VCAN: variants seen among roughly 807,000 people sequenced by gnomAD.
The protein encoded by VCAN is versican, also known as versican core protein.
A neutral mutation model predicts 245.5 loss-of-function variants in VCAN; 44 were observed. That is an observed-to-expected ratio of 0.18 (90% confidence interval 0.14 to 0.23). The LOEUF is 0.23. VCAN is among the 10% of genes least tolerant of loss of function. The pLI is 1.00. For missense variants in VCAN, 3,793 were observed against 4,057.9 expected (o/e 0.93, Z 1.77); for synonymous variants, 1,413 against 1,437.0 (o/e 0.98, Z 0.38).
intron 5 of VCAN, among the ~76,000 whole-genome samples, chr5:83,496,761 G>C (rs1455785447): frequency 2.0e-5 from 3 of 152,150 alleles, no homozygotes; most frequent in Non-Finnish European, 2.9e-5. Context: ...GTAAGAGGAA[G>C]ATCACAAAAT....
chr5:83,550,520 A>G (rs1747420125), intron 10 of VCAN, among the ~76,000 whole-genome samples: 1 of 152,230 alleles, frequency 6.6e-6, no homozygotes, highest in South Asian at 2.1e-4. Flanking sequence ...AGTATCTCCT[A>G]TCAGAATAGC....
chr5:83,565,390 GGTGTGTGTGTGTGTGTGTGTGTGT>G (rs6149088), intron 12 of VCAN, among the ~76,000 whole-genome samples: 1 of 149,132 alleles, frequency 6.7e-6, no homozygotes, highest in Non-Finnish European at 1.5e-5. Context: ...TATGTGTAAG[GGTGTGTGTGTGTGTGTGTGTGTGT>G]GTGTGTGTGT....
chr5:83,570,753 A>G (rs1328557943), intron 12 of VCAN, among the ~76,000 whole-genome samples: 2 of 152,014 alleles, frequency 1.3e-5, no homozygotes, highest in African/African-American at 4.8e-5. Context: ...GATCAGACAT[A>G]TATTTTAAAA....
chr5:83,496,701 T>A (rs1393084), intron 5 of VCAN, among the ~76,000 whole-genome samples: 5,466 of 152,270 alleles, frequency 0.036, 328 homozygotes, highest in African/African-American at 0.12. Context: ...CTTTCTTGGC[T>A]TGAAAGTGAG....
chr5:83,491,613 C>T (rs911878305), intron 3 of VCAN, among the ~76,000 whole-genome samples: 3 of 151,956 alleles, frequency 2.0e-5, no homozygotes, highest in Admixed American at 2.0e-4. Flanking sequence ...TTTAAAATCC[C>T]CAAAGGAGTT....
At chr5:83,474,767 A>G (rs33604) in intron 1 of VCAN, among the ~76,000 whole-genome samples, 43,173 of 152,192 alleles carry the variant, frequency 0.28, 6,258 homozygotes, top group South Asian at 0.4. Context: ...CCTCGCCCCC[A>G]GGATTCGGGG....
At chr5:83,535,275 G>A (rs1045057684) in intron 7 of VCAN, among the ~76,000 whole-genome samples, 6 of 152,050 alleles carry the variant, frequency 3.9e-5, no homozygotes, top group African/African-American at 1.4e-4. Flanking sequence ...GAGAAGAAAT[G>A]AACTGTAGTG....
chr5:83,570,312 G>T (rs1580077356), intron 12 of VCAN, among the ~76,000 whole-genome samples: 1 of 151,400 alleles, frequency 6.6e-6, no homozygotes, highest in South Asian at 2.1e-4. Flanking sequence ...TTGGTTTTTT[G>T]CAAGTTTATC....
intron 1 of VCAN, among the ~76,000 whole-genome samples, chr5:83,473,892 A>C (rs949301416): frequency 2.0e-5 from 3 of 152,072 alleles, no homozygotes; most frequent in Admixed American, 2.0e-4. Context: ...GAGGACCCTG[A>C]AAAAAGGTCT....
chr5:83,537,352 A>G lies in VCAN; in HGVS notation c.4349A>G (p.Asp1450Gly). 1 of 1,614,028 alleles carries G rather than the reference A, an allele frequency of 6.2e-7. No homozygotes were observed. The highest frequency in any genetic ancestry group is 8.5e-7 in the Non-Finnish European group (1 of 1,179,952). ...AATTTCTCGGACAGCTCTGAAAGTG[A>G]TACTCATCCATTTGTAATAGCCAAA... ...SQNFSDSSES[D>G]THPFVIAKTE... The change falls in exon 8 of 15, where the codon GAT (aspartate) becomes GGT (glycine). Residue 1450 changes from aspartate (D) to glycine (G), a missense_variant. By Grantham distance (94) the Asp-to-Gly change is moderately conservative. Transcript: ENST00000265077.
intron 10 of VCAN, among the ~76,000 whole-genome samples, chr5:83,549,495 A>G (rs1483917662): frequency 6.6e-6 from 1 of 152,198 alleles, no homozygotes; most frequent in Admixed American, 6.5e-5. Flanking sequence ...AAGTGAACCT[A>G]AATGGCTTAA....
intron 12 of VCAN, among the ~76,000 whole-genome samples, chr5:83,558,078 C>T (rs1747737942): frequency 6.6e-6 from 1 of 152,114 alleles, no homozygotes; most frequent in Non-Finnish European, 1.5e-5. Context: ...CCCTCGCATT[C>T]AACTGATCTC....
In VCAN at chr5:83,540,604, C is replaced by T. The variant is rs766210217; in HGVS notation, c.7601C>T (p.Pro2534Leu). Reference protein sequence around the residue: ...FREFEDSTLKPNRKKPTENII... With the variant: ...FREFEDSTLKLNRKKPTENII... Reference sequence around the variant, plus strand: ...GAATTCGAGGATTCCACCTTAAAACCTAACAGAAAAAAACCCACTGAAAAT... The same window carrying T: ...GAATTCGAGGATTCCACCTTAAAACTTAACAGAAAAAAACCCACTGAAAAT... Residue 2534 changes from proline (P) to leucine (L), a missense_variant, in exon 8 of 15, where the codon CCT becomes CTT. Pro to Leu is a moderately conservative substitution (Grantham distance 98). Transcript: ENST00000265077. 6.2e-7 allele frequency: 1 copy of T among 1,613,650 alleles called. No homozygotes were observed. Among genetic ancestry groups the T allele is most frequent in the Non-Finnish European group, 8.5e-7 (1 of 1,179,932 alleles).
Position 83,521,941 on chromosome 5 carries a change from G to A in VCAN, c.3635G>A (p.Ser1212Asn). 3 of 1,614,156 alleles carry A rather than the reference G, an allele frequency of 1.9e-6. No individual in the cohort carries two copies. Among genetic ancestry groups the A allele is most frequent in the Non-Finnish European group, 2.5e-6 (3 of 1,180,024 alleles). The change falls in exon 7 of 15, where the codon AGT (serine) becomes AAT (asparagine). Residue 1212 changes from serine (S) to asparagine (N), a missense_variant. By Grantham distance (46) the Ser-to-Asn change is conservative. Around this residue, in one of 5 missense-constraint regions of VCAN, gnomAD observed 3,182 missense variants for 3,250.3 expected, o/e 0.98. Transcript: ENST00000265077. Reference protein sequence around the residue: ...TVPSDITTAFSSVDRLHTTSA... With the variant: ...TVPSDITTAFNSVDRLHTTSA... ...CCAAGTGATATTACCACTGCCTTCA[G>A]TTCAGTAGACAGACTTCACACAACT...
At position 83,541,977 on chromosome 5, in the gene VCAN, C is replaced by T. The variant is rs1315754486; in HGVS notation, c.8974C>T (p.Pro2992Ser). The change falls in exon 8 of 15, where the codon CCT becomes TCT. Residue 2992 changes from proline (P) to serine (S), a missense_variant. Coordinates refer to ENST00000265077, the MANE Select transcript of VCAN (RefSeq NM_004385.5). The part of the protein sequence containing the change: ...ATYGVEAGVV[P>S]WLSPQTSERP... ...CTATGGGGTCGAGGCAGGTGTGGTG[C>T]CTTGGCTAAGTCCACAGACTTCTGA... 1.3e-5 allele frequency: 21 copies of T among 1,613,736 alleles called. No individual in the cohort carries two copies. Among genetic ancestry groups the T allele is most frequent in the Non-Finnish European group, 1.7e-5 (20 of 1,179,758 alleles).
At chr5:83,569,594 G>T (rs1247150577) in intron 12 of VCAN, among the ~76,000 whole-genome samples, 2 of 152,024 alleles carry the variant, frequency 1.3e-5, no homozygotes, top group Non-Finnish European at 2.9e-5. Flanking sequence ...TGAAGAAAAA[G>T]AAATTAAGAA....
At chr5:83,555,874 A>T (rs1747649393) in intron 12 of VCAN, among the ~76,000 whole-genome samples, 1 of 152,240 alleles carries the variant, frequency 6.6e-6, no homozygotes, top group East Asian at 1.9e-4. Flanking sequence ...TGGGCTAGAT[A>T]GTAAGTGTAA....
chr5:83,559,709 A>C (rs563087327), intron 12 of VCAN, among the ~76,000 whole-genome samples: 1 of 152,060 alleles, frequency 6.6e-6, no homozygotes, highest in Non-Finnish European at 1.5e-5. Context: ...TGTGAAATCA[A>C]CTTCCTGACA....
At chr5:83,515,068 C>T (rs1745799604) in intron 6 of VCAN, among the ~76,000 whole-genome samples, 1 of 152,154 alleles carries the variant, frequency 6.6e-6, no homozygotes, top group African/African-American at 2.4e-5. Context: ...AAGTCACTGA[C>T]TAAAACATTC....
Sources: gnomAD v4.1 joint callset for allele counts (sites outside exome capture counted in the v4.1 genomes callset) on GRCh38, gnomAD v4.1.1 for gene constraint, gnomAD v4.1.1 regional missense constraint, MANE v1.5 for transcripts, NCBI Gene and HGNC (gene_info 2026-07-23, HGNC 2026-07-21) for gene names.